The following KCNN1 variants were observed in gnomAD, a reference collection of about 807,000 sequenced individuals.
KCNN1 encodes small conductance calcium-activated potassium channel protein 1.
KCNN1 carries 20 observed loss-of-function variants against 44.7 expected under a neutral mutation model. The observed-to-expected ratio is 0.45, with a 90% confidence interval of 0.32 to 0.65. The LOEUF is 0.65. Among genes scored for constraint, KCNN1 ranks in the 30% least tolerant of loss-of-function variants. The pLI, the probability that KCNN1 is intolerant of heterozygous loss-of-function variation, is 0.05. For synonymous variants in KCNN1, 324 were observed against 341.7 expected (o/e 0.95, Z 0.57); for missense variants, 632 against 785.3 (o/e 0.80, Z 2.33).
intron 2 of KCNN1, among the ~76,000 whole-genome samples, chr19:17,961,168 A>G (rs890403654): frequency 1.4e-5 from 2 of 147,850 alleles, no homozygotes; most frequent in African/African-American, 2.5e-5. Flanking sequence ...CCTGGGCAAC[A>G]GAGTGAGACT....
At chr19:17,951,950 C>T (rs2031420599) in intron 1 of KCNN1, among the ~76,000 whole-genome samples, 1 of 152,260 alleles carries the variant, frequency 6.6e-6, no homozygotes, top group Admixed American at 6.5e-5. Context: ...GTTTCCCCGT[C>T]TGTAAGATGA....
At chr19:17,965,550 G>A (rs1194610153), upstream of KCNN1, among the ~76,000 whole-genome samples, 1 of 152,122 alleles carries the variant, frequency 6.6e-6, no homozygotes, top group Non-Finnish European at 1.5e-5. Context: ...GAACTGTGGC[G>A]AGGGGAGACT....
At chr19:17,976,531 G>A (rs1234226132) in intron 3 of KCNN1, among the ~76,000 whole-genome samples, 1 of 150,366 alleles carries the variant, frequency 6.7e-6, no homozygotes, top group African/African-American at 2.4e-5. Flanking sequence ...CAATTCTCCT[G>A]CTTCAGCCTC....
At chr19:17,991,319 C>T (rs189830754) in intron 7 of KCNN1, among the ~76,000 whole-genome samples, 41 of 152,206 alleles carry the variant, frequency 2.7e-4, no homozygotes, top group African/African-American at 7.7e-4. Context: ...AGTGTGGTGG[C>T]ATGTGTCTAT....
intron 2 of KCNN1, among the ~76,000 whole-genome samples, chr19:17,960,424 G>C (rs1319965483): frequency 6.6e-6 from 1 of 152,022 alleles, no homozygotes. Flanking sequence ...GAGGTCAGGA[G>C]TTCGAGACCA....
In KCNN1 at chr19:17,979,544, G is replaced by A. The variant is rs1271201767; in HGVS notation, c.499-2165G>A. ...AAAATAGGGTGGGGGGTGGGGGAGG[G>A]GGCGTGGCTGCATTCCTGATGATAC... On this transcript the variant is annotated intron_variant, in intron 3 of 9. Transcript: ENST00000684775. 2.1e-5 allele frequency among the ~76,000 whole-genome samples: 3 copies of A among 145,534 alleles called. No homozygotes were observed. In the East Asian group the frequency reaches 6.2e-4, roughly 30 times the overall value.
At chr19:17,959,712 TA>T (rs900093718) in intron 2 of KCNN1, among the ~76,000 whole-genome samples, 2 of 151,954 alleles carry the variant, frequency 1.3e-5, no homozygotes, top group African/African-American at 2.4e-5. Flanking sequence ...CTCTTAAAAA[TA>T]AAAAAATGAT....
chr19:17,997,146 CAGTA>C (rs1240176120), intron 9 of KCNN1, among the ~76,000 whole-genome samples: 2 of 152,178 alleles, frequency 1.3e-5, no homozygotes, highest in African/African-American at 4.8e-5. Flanking sequence ...GCTGCTGTAA[CAGTA>C]ATTGTGGCTG....
chr19:17,976,700 G>A (rs1330129395), intron 3 of KCNN1, among the ~76,000 whole-genome samples: 1 of 150,676 alleles, frequency 6.6e-6, no homozygotes, highest in Non-Finnish European at 1.5e-5. Context: ...TTACAGGTGT[G>A]AGCCACCGCG....
intron 1 of KCNN1, chr19:17,954,499 G>C (rs1425547909): frequency 6.6e-6 from 1 of 152,536 alleles, no homozygotes; most frequent in African/African-American, 2.4e-5. Flanking sequence ...TCCGGGAGCT[G>C]TCTGCACCCT....
At position 17,985,328 on chromosome 19, in the gene KCNN1, G is replaced by A. The variant is rs2032560922; in HGVS notation, c.934G>A (p.Glu312Lys). The change falls in exon 5 of 10, where the codon GAA becomes AAA. Residue 312 changes from glutamate to lysine, a missense_variant. Around this residue, in one of 3 missense-constraint regions of KCNN1, gnomAD observed 160 missense variants for 308.3 expected, o/e 0.52. Transcript: ENST00000684775. Reference sequence around the variant, plus strand: ...CTCCCCCAGGTACCACGACAAGCAGGAAGTGACCAGCAACTTCCTGGGGGC... The same window carrying A: ...CTCCCCCAGGTACCACGACAAGCAGAAAGTGACCAGCAACTTCCTGGGGGC... ...RVCERYHDKQ[E>K]VTSNFLGAMW... is the part of the protein sequence containing the mutation. 6.2e-7 allele frequency: 1 copy of A among 1,604,940 alleles called. No individual in the cohort carries two copies. The highest frequency in any genetic ancestry group is 8.5e-7 in the Non-Finnish European group (1 of 1,174,786).
chr19:17,965,917 G>A (rs571625852), upstream of KCNN1, among the ~76,000 whole-genome samples: 183 of 152,220 alleles, frequency 1.2e-3, no homozygotes, highest in Non-Finnish European at 2.0e-3. Flanking sequence ...CAAAGGTCCT[G>A]TCTGAGACTC....
chr19:17,954,899 A>G (rs559542527), intron 2 of KCNN1, among the ~76,000 whole-genome samples: 18 of 151,850 alleles, frequency 1.2e-4, no homozygotes, highest in African/African-American at 4.3e-4. Context: ...TTGCCCGGGG[A>G]TGGTGGTGGG....
rs115169939 is a variant in KCNN1 at position 17,998,199 on chromosome 19, C to T, written c.1425C>T (p.His475=). 5.4e-4 allele frequency: 855 copies of T among 1,596,624 alleles called. 2 individuals are homozygous for T. In the African/African-American group the frequency reaches 0.01, roughly 19 times the overall value. Residue 475 remains histidine (H), a synonymous_variant, in exon 10 of 10, where the codon CAC becomes CAT. Coordinates refer to ENST00000684775, the MANE Select transcript of KCNN1 (RefSeq NM_001386974.1). This position sits in a 1 kb window ranked among gnomAD's most constrained non-coding sequence, Gnocchi z 5.4. ...YDLVSELHAQ[H]EELEARLATL... is the part of the protein sequence containing the mutation. ...TTGTATCGGAGCTGCACGCTCAGCACGAGGAGCTGGAGGCCCGCCTGGCCA... is the reference window on the plus strand; with the variant it reads ...TTGTATCGGAGCTGCACGCTCAGCATGAGGAGCTGGAGGCCCGCCTGGCCA...
At chr19:17,953,854 C>T (rs946746863) in intron 1 of KCNN1, among the ~76,000 whole-genome samples, 3 of 152,190 alleles carry the variant, frequency 2.0e-5, no homozygotes, top group African/African-American at 7.2e-5. Flanking sequence ...CGCTTGAGCC[C>T]GGGAAGTCAA....
rs908476260 is a variant in KCNN1, at chr19:17,983,984, T to C, written c.918-1328T>C. ...CATCCTGGCTAACATGGTGAAACCC[T>C]GTCTCTACTAAAAATACAAAAAAAA... On this transcript the variant is annotated intron_variant, in intron 4 of 9. Coordinates refer to ENST00000684775, the MANE Select transcript of KCNN1 (RefSeq NM_001386974.1). The surrounding 1 kb of genome is among the most constrained non-coding windows in gnomAD (Gnocchi z 4.5). Among the ~76,000 whole-genome samples the C allele has an allele frequency of 1.3e-5, 2 of 151,306 alleles. No homozygotes were observed. Among genetic ancestry groups the C allele is most frequent in the Non-Finnish European group, 2.9e-5 (2 of 67,806 alleles).
chr19:17,969,998 G>A (rs1473268547), intron 1 of KCNN1, among the ~76,000 whole-genome samples: 1 of 152,228 alleles, frequency 6.6e-6, no homozygotes, highest in African/African-American at 2.4e-5. Context: ...GAAAGATCAG[G>A]GCCAAGGTCA....
chr19:17,959,414 C>T (rs934522418), intron 2 of KCNN1, among the ~76,000 whole-genome samples: 1 of 151,608 alleles, frequency 6.6e-6, no homozygotes, highest in African/African-American at 2.4e-5. Flanking sequence ...CCTGCCACCA[C>T]GCCTGGCTAA....
chr19:17,956,036 C>T (rs2031537281), intron 2 of KCNN1, among the ~76,000 whole-genome samples: 1 of 152,138 alleles, frequency 6.6e-6, no homozygotes, highest in African/African-American at 2.4e-5. Flanking sequence ...CCACCGGGTT[C>T]AAGCGATTCT....
Sources: gnomAD v4.1 joint callset for allele counts (sites outside exome capture counted in the v4.1 genomes callset) on GRCh38, gnomAD v4.1.1 for gene constraint, gnomAD v4.1.1 regional missense constraint, Gnocchi (gnomAD v3.1) non-coding constraint, MANE v1.5 for transcripts, NCBI Gene and HGNC (gene_info 2026-07-23, HGNC 2026-07-21) for gene names.